Variants in ARL10 observed in about 807,000 individuals in gnomAD.
ARL10 encodes ADP-ribosylation factor-like protein 10.
In ARL10, 23 loss-of-function variants were observed where a neutral mutation model predicts 26.1. The observed-to-expected ratio is 0.88, with a 90% confidence interval of 0.63 to 1.25. ARL10 has a LOEUF of 1.25. Among genes scored for constraint, ARL10 ranks in the 50% most tolerant of loss-of-function variants. The pLI, the probability that ARL10 is intolerant of heterozygous loss-of-function variation, is 0.00. For synonymous variants in ARL10, 138 were observed against 149.1 expected (o/e 0.93, Z 0.54); for missense variants, 300 against 323.6 (o/e 0.93, Z 0.56).
chr5:176,371,245 C>G (rs551964563), intron 3 of ARL10, among the ~76,000 whole-genome samples: 11 of 150,102 alleles, frequency 7.3e-5, no homozygotes, highest in East Asian at 3.9e-4. Flanking sequence ...CGTGGTGGCT[C>G]ACACCTGTAG....
intron 1 of ARL10, among the ~76,000 whole-genome samples, chr5:176,396,735 C>T (rs1756542148): frequency 1.3e-5 from 2 of 152,056 alleles, no homozygotes; most frequent in Admixed American, 1.3e-4. Context: ...GGCCCCAGCA[C>T]CTTCTCTAAA....
chr5:176,412,174 C>CAAA, the ARL10 span, among the ~76,000 whole-genome samples: 4 of 82,376 alleles, frequency 4.9e-5, no homozygotes, highest in Admixed American at 1.3e-4. Flanking sequence ...AGACTCATCT[C>CAAA]AAAAAAAAAA....
intron 3 of ARL10, among the ~76,000 whole-genome samples, chr5:176,370,917 A>C (rs2113551283): frequency 6.6e-6 from 1 of 152,284 alleles, no homozygotes; most frequent in Non-Finnish European, 1.5e-5. Context: ...CTTGGTTATC[A>C]AACCAACCTG....
downstream of ARL10, among the ~76,000 whole-genome samples, chr5:176,405,286 C>T (rs1400914169): frequency 1.3e-5 from 2 of 151,820 alleles, no homozygotes; most frequent in Non-Finnish European, 2.9e-5. Context: ...CCCAGGAGCT[C>T]GAGACCAGCC....
rs1409165035 is a variant in ARL10 at position 176,368,116 on chromosome 5, G to A, written c.386-691G>A. On this transcript the variant is annotated intron_variant, in intron 2 of 3. Coordinates refer to ENST00000310389, the MANE Select transcript of ARL10 (RefSeq NM_173664.6). This position sits in a 1 kb window ranked among gnomAD's most constrained non-coding sequence, Gnocchi z 4.1. The stretch of plus-strand genomic sequence containing the variant: ...GAAACATAGCCAGAAACACTAGGGT[G>A]CGGGGTGACCAATGGGACTGTGCAG... 4.2e-6 allele frequency: 2 copies of A among 481,224 alleles called. No individual in the cohort carries two copies. The highest frequency in any genetic ancestry group is 2.0e-5 in the African/African-American group (1 of 50,462). The allele number at this position is 481,224 out of a possible 1,614,324, so 29.8% of individuals were successfully genotyped here.
chr5:176,389,489 C>T (rs760989082), downstream of ARL10: 2 of 1,612,834 alleles, frequency 1.2e-6, no homozygotes, highest in South Asian at 2.2e-5. Context: ...TATGAAGTCT[C>T]GACCCTAAGC....
At chr5:176,392,499 A>G, downstream of ARL10, 2 of 423,788 alleles carry the variant, frequency 4.7e-6, no homozygotes, top group Non-Finnish European at 8.5e-6. The surrounding 1 kb of genome is among the most constrained non-coding windows in gnomAD (Gnocchi z 5.2). Flanking sequence ...GTGTAAAAAG[A>G]GTCAACAACA....
rs1386344415 is a variant in ARL10 at position 176,396,589 on chromosome 5, A to G, written c.134-5152A>G. The G allele has an allele frequency of 2.4e-6, 3 of 1,252,034 alleles. No homozygotes were observed. The East Asian group carries it at 7.1e-5, about 30-fold the overall frequency. The allele number at this position is 1,252,034 out of a possible 1,614,324, so 77.6% of individuals were successfully genotyped here. A position where few individuals can be genotyped will look rare whatever the true frequency, so the allele number is the denominator to read the frequency against. On this transcript the variant is annotated intron_variant, in intron 1 of 1. Transcript: ENST00000514533. Reference sequence around the variant, plus strand: ...TGGGGGAAGGCAGATGGCAAGACAGACAGGCAGGCAGAAGGTTAGAGAGAG... The same window carrying G: ...TGGGGGAAGGCAGATGGCAAGACAGGCAGGCAGGCAGAAGGTTAGAGAGAG...
downstream of ARL10, chr5:176,384,335 G>T: frequency 6.2e-7 from 1 of 1,614,220 alleles, no homozygotes; most frequent in South Asian, 1.1e-5. Flanking sequence ...ATCTGTTTTG[G>T]GGTATCTTGA....
the ARL10 span, among the ~76,000 whole-genome samples, chr5:176,412,308 C>T: frequency 0.028 from 4,203 of 152,174 alleles, 67 homozygotes; most frequent in Middle Eastern, 0.065. Context: ...GTCTCACTTC[C>T]GGGGTATCCC....
At chr5:176,402,706 G>A (rs974188588), downstream of ARL10, among the ~76,000 whole-genome samples, 14 of 152,216 alleles carry the variant, frequency 9.2e-5, no homozygotes, top group Non-Finnish European at 4.4e-5. Context: ...TTGGGGACAG[G>A]GACGAGCAAG....
At position 176,372,110 on chromosome 5, in the gene ARL10, CAGAGGGTGGGGAGG is replaced by C; in HGVS notation, c.*217_*230del. 7.1e-7 allele frequency: 1 copy of C among 1,408,752 alleles called. No individual in the cohort carries two copies. The highest frequency in any genetic ancestry group is 1.5e-5 in the South Asian group (1 of 65,324). The allele number at this position is 1,408,752 out of a possible 1,614,324, so 87.3% of individuals were successfully genotyped here. On this transcript the variant is annotated 3_prime_UTR_variant, in exon 4 of 4. Transcript: ENST00000310389. ...AGCCGAAGCAGGGAGGTGGGTGAGACAGAGGGTGGGGAGGATAGTGTCTGGCTCATTCCAGGCTG... is the reference window on the plus strand; with the variant it reads ...AGCCGAAGCAGGGAGGTGGGTGAGACATAGTGTCTGGCTCATTCCAGGCTG...
downstream of ARL10, among the ~76,000 whole-genome samples, chr5:176,391,456 A>G (rs1218442454): frequency 2.0e-5 from 3 of 152,168 alleles, no homozygotes; most frequent in Non-Finnish European, 4.4e-5. Context: ...TACTAAAAAT[A>G]CAAAGATTAG....
exon 2 of ARL10, chr5:176,388,597 GT>G: frequency 6.7e-7 from 1 of 1,498,896 alleles, no homozygotes; most frequent in Non-Finnish European, 9.2e-7. Context: ...CAGACCTCGT[GT>G]AACAAACTCC....
intron 1 of ARL10, among the ~76,000 whole-genome samples, chr5:176,387,119 T>G (rs1755920321): frequency 1.3e-5 from 2 of 152,224 alleles, no homozygotes; most frequent in Non-Finnish European, 1.5e-5. Context: ...AGTCTCATTC[T>G]GTTGCCCAGG....
At chr5:176,412,321 G>A in the ARL10 span, among the ~76,000 whole-genome samples, 7 of 152,032 alleles carry the variant, frequency 4.6e-5, no homozygotes, top group African/African-American at 1.7e-4. Flanking sequence ...GGTATCCCAG[G>A]ATATCATACA....
At chr5:176,389,018 TC>T, downstream of ARL10, 1 of 1,606,818 alleles carries the variant, frequency 6.2e-7, no homozygotes, top group Non-Finnish European at 8.5e-7. Flanking sequence ...GACAGTGATG[TC>T]GGAGGGAAGG....
downstream of ARL10, chr5:176,392,700 A>T (rs1756310620): frequency 1.9e-6 from 3 of 1,550,054 alleles, no homozygotes; most frequent in Non-Finnish European, 2.6e-6. This position sits in a 1 kb window ranked among gnomAD's most constrained non-coding sequence, Gnocchi z 5.2. Context: ...GCGAGTCTCC[A>T]CCCCGACCAA....
downstream of ARL10, chr5:176,384,289 G>A (rs751121017): frequency 1.7e-5 from 28 of 1,614,088 alleles, 1 homozygote; most frequent in South Asian, 2.9e-4. Context: ...CCACTCTGCT[G>A]GGTAAAAGCG....
Sources: gnomAD v4.1 joint callset for allele counts (sites outside exome capture counted in the v4.1 genomes callset) on GRCh38, gnomAD v4.1.1 for gene constraint, Gnocchi (gnomAD v3.1) non-coding constraint, MANE v1.5 for transcripts, NCBI Gene and HGNC (gene_info 2026-07-23, HGNC 2026-07-21) for gene names.